The following CFAP92 variants were observed in gnomAD, a reference collection of about 807,000 sequenced individuals.
CFAP92 encodes uncharacterized protein CFAP92.
CFAP92 carries 86 observed loss-of-function variants against 106.3 expected under a neutral mutation model. That is an observed-to-expected ratio of 0.81 (90% CI 0.68 to 0.97). CFAP92 has a LOEUF of 0.97. Among genes scored for constraint, CFAP92 ranks in the 50% least tolerant of loss-of-function variants. The probability of loss-of-function intolerance (pLI) is 0.00; values close to 1 mark genes in which losing one functional copy is unlikely to be tolerated. For synonymous variants in CFAP92, 477 were observed against 506.4 expected (o/e 0.94, Z 0.78); for missense variants, 1,204 against 1,283.8 (o/e 0.94, Z 0.95).
rs925093381 is a variant in CFAP92 at position 128,977,697 on chromosome 3, A to G, written c.808+348T>C. On this transcript the variant is annotated intron_variant, in intron 5 of 15. Coordinates refer to ENST00000645291, the MANE Select transcript of CFAP92 (RefSeq NM_001394090.1). ...AACATGGTGAAACCCCGTCTCTACT[A>G]AAAATACAAAAATTAGCTGGGTGTG... 2.6e-5 allele frequency among the ~76,000 whole-genome samples: 4 copies of G among 152,166 alleles called. No individual in the cohort carries two copies. The East Asian group carries it at 7.7e-4, about 29-fold the overall frequency.
rs574678818 is a variant in CFAP92, at chr3:128,962,678, C to A, written c.1353+2833G>T. ...TTAAAACCTAATCATCCTTACCCCG[C>A]TCAATGCCAATATCCTATCCCACAG... On this transcript the variant is annotated intron_variant, in intron 9 of 15. Transcript: ENST00000645291. 3.5e-4 allele frequency among the ~76,000 whole-genome samples: 54 copies of A among 152,180 alleles called. 1 individual carries two copies. Among genetic ancestry groups the A allele is most frequent in the African/African-American group, 7.7e-4 (32 of 41,430 alleles).
intron 8 of CFAP92, chr3:128,967,046 G>T (rs751324894): frequency 6.6e-6 from 1 of 152,190 alleles, no homozygotes; most frequent in Non-Finnish European, 1.5e-5. Context: ...AGTCTCCAAG[G>T]CTCAATTTCA....
chr3:128,961,341 A>G (rs1198049000), intron 9 of CFAP92, among the ~76,000 whole-genome samples: 2 of 151,950 alleles, frequency 1.3e-5, no homozygotes, highest in African/African-American at 2.4e-5. Flanking sequence ...CCCAACCCCA[A>G]GCATCACTGA....
At chr3:128,983,533 C>T (rs1272369357) in intron 4 of CFAP92, among the ~76,000 whole-genome samples, 3 of 151,992 alleles carry the variant, frequency 2.0e-5, no homozygotes, top group Non-Finnish European at 4.4e-5. Flanking sequence ...TCCCTAGAGG[C>T]CTCGCATGCA....
intron 12 of CFAP92, among the ~76,000 whole-genome samples, chr3:128,916,518 C>G (rs1936830962): frequency 1.3e-5 from 2 of 152,206 alleles, no homozygotes; most frequent in Admixed American, 6.5e-5. Flanking sequence ...AACTGGAACA[C>G]ACATCATCTG....
intron 15 of CFAP92, among the ~76,000 whole-genome samples, chr3:128,913,477 T>TTATACCAGGTCCCAGCG (rs1936563118): frequency 2.0e-5 from 3 of 151,822 alleles, no homozygotes; most frequent in Non-Finnish European, 4.4e-5. Flanking sequence ...ACTTGAAAGA[T>TTATACCAGGTCCCAGCG]TACACCAGGT....
At position 128,965,674 on chromosome 3, in the gene CFAP92, C is replaced by T. The variant is rs993547056; in HGVS notation, c.1190G>A (p.Arg397His). The T allele has an allele frequency of 5.0e-5, 20 of 398,766 alleles. No individual in the cohort carries two copies. Among genetic ancestry groups the T allele is most frequent in the Middle Eastern group, 1.2e-3 (2 of 1,610 alleles). The allele number at this position is 398,766 out of a possible 1,614,324, so 24.7% of individuals were successfully genotyped here. Residue 397 changes from arginine to histidine, a missense_variant, in exon 9 of 16, where the codon CGT (arginine) becomes CAT (histidine). Coordinates refer to ENST00000645291, the MANE Select transcript of CFAP92 (RefSeq NM_001394090.1). The stretch of plus-strand genomic sequence containing the variant: ...AATGTTGGCAGACTTCTCACTGCCA[C>T]GACTCACGACAGTTTGCCATCCTGG... The part of the protein sequence containing the change: ...LLAGWQTVVS[R>H]GSEKSANILD...
intron 9 of CFAP92, among the ~76,000 whole-genome samples, chr3:128,964,879 C>T (rs1224052729): frequency 2.0e-5 from 3 of 152,124 alleles, no homozygotes; most frequent in East Asian, 3.9e-4. Context: ...TCTCTCCACA[C>T]CACCCCCCAA....
At chr3:128,931,851 A>G (rs1046369714) in intron 12 of CFAP92, among the ~76,000 whole-genome samples, 34 of 150,808 alleles carry the variant, frequency 2.3e-4, no homozygotes, top group African/African-American at 8.3e-4. Flanking sequence ...AGCAAGACCC[A>G]ATCTCTAAAA....
chr3:128,973,307 T>C (rs530776380), intron 7 of CFAP92, among the ~76,000 whole-genome samples: 46 of 152,200 alleles, frequency 3.0e-4, no homozygotes, highest in Non-Finnish European at 6.0e-4. Context: ...AACTAAACCA[T>C]GCCCGTGCAG....
intron 4 of CFAP92, among the ~76,000 whole-genome samples, chr3:128,979,705 C>G (rs1202717187): frequency 2.6e-5 from 4 of 151,670 alleles, no homozygotes; most frequent in Admixed American, 2.6e-4. Flanking sequence ...GACAAAAAAA[C>G]CAAACACCGC....
At chr3:128,980,881 C>G (rs373998862) in intron 4 of CFAP92, among the ~76,000 whole-genome samples, 2 of 152,258 alleles carry the variant, frequency 1.3e-5, no homozygotes, top group African/African-American at 4.8e-5. Flanking sequence ...CAGTGACTTG[C>G]TCCACTGAAG....
intron 9 of CFAP92, among the ~76,000 whole-genome samples, chr3:128,956,215 T>TAAAAAAAAAAAAAAAAAAAAGAAAGA (rs545191144): frequency 1.5e-5 from 1 of 68,760 alleles, no homozygotes; most frequent in Non-Finnish European, 3.0e-5. Context: ...AATAAAAAAA[T>TAAAAAAAAAAAAAAAAAAAAGAAAGA]AAAAAAAAAA....
chr3:128,944,653 T>C (rs1940026160), intron 10 of CFAP92, among the ~76,000 whole-genome samples: 1 of 152,214 alleles, frequency 6.6e-6, no homozygotes, highest in African/African-American at 2.4e-5. Context: ...TATTCACTTC[T>C]AGTGTTCCCA....
chr3:128,964,151 G>C (rs190066559), intron 9 of CFAP92, among the ~76,000 whole-genome samples: 97 of 152,286 alleles, frequency 6.4e-4, no homozygotes, highest in African/African-American at 2.2e-3. Context: ...GTAGGTTTCA[G>C]TGAAACCTTT....
intron 10 of CFAP92, among the ~76,000 whole-genome samples, chr3:128,938,008 G>A (rs1939223277): frequency 2.0e-5 from 3 of 152,040 alleles, no homozygotes; most frequent in Admixed American, 2.0e-4. Context: ...AGGTTGCAGT[G>A]AGCCGAGATC....
chr3:128,992,965 G>A (rs1214851588), intron 2 of CFAP92, 78 bp downstream of exon 2: 1 of 1,527,444 alleles, frequency 6.5e-7, no homozygotes, highest in Non-Finnish European at 9.0e-7. Context: ...GATGTGGGGT[G>A]TATGCGCCCT....
At chr3:128,972,140 C>T (rs1401782843) in intron 7 of CFAP92, among the ~76,000 whole-genome samples, 3 of 152,112 alleles carry the variant, frequency 2.0e-5, no homozygotes, top group Admixed American at 6.6e-5. Context: ...AATTACTTCA[C>T]GGCATATACA....
chr3:129,018,231 G>A, the CFAP92 span, among the ~76,000 whole-genome samples: 2 of 152,154 alleles, frequency 1.3e-5, no homozygotes, highest in African/African-American at 4.8e-5. Flanking sequence ...TCCATAGGGA[G>A]ACAAATTGTC....
Sources: allele counts gnomAD v4.1 joint callset (sites outside exome capture counted in the v4.1 genomes callset), GRCh38; gene constraint gnomAD v4.1.1; transcripts MANE v1.5; gene names NCBI Gene and HGNC (gene_info 2026-07-23, HGNC 2026-07-21).